The following KCNK13 variants were observed in gnomAD, a reference collection of about 807,000 sequenced individuals.
KCNK13 encodes potassium two pore domain channel subfamily K member 13.
Under a neutral mutation model 23.4 loss-of-function variants are expected in KCNK13, and 12 were observed. The ratio of observed to expected loss-of-function variants is 0.51; its 90% CI spans 0.33 to 0.83. KCNK13 has a LOEUF of 0.83. Among genes scored for constraint, KCNK13 ranks in the 40% least tolerant of loss-of-function variants. The probability of loss-of-function intolerance (pLI) is 0.02; values close to 1 mark genes in which losing one functional copy is unlikely to be tolerated. For synonymous variants in KCNK13, 231 were observed against 229.5 expected (o/e 1.01, Z -0.06); for missense variants, 463 against 556.3 (o/e 0.83, Z 1.69).
At chr14:90,169,070 T>C (rs551218897) in intron 1 of KCNK13, among the ~76,000 whole-genome samples, 3 of 152,336 alleles carry the variant, frequency 2.0e-5, no homozygotes, top group Admixed American at 2.0e-4. Flanking sequence ...CAGTCTCAGG[T>C]ATGTGTTTAT....
chr14:90,126,766 C>T (rs1256474317), intron 1 of KCNK13, among the ~76,000 whole-genome samples: 1 of 152,162 alleles, frequency 6.6e-6, no homozygotes, highest in Non-Finnish European at 1.5e-5. Context: ...TGGTCTCGAA[C>T]TCCTGACCTC....
intron 1 of KCNK13, among the ~76,000 whole-genome samples, chr14:90,092,694 C>A (rs1263041662): frequency 6.6e-6 from 1 of 151,866 alleles, no homozygotes; most frequent in Non-Finnish European, 1.5e-5. Flanking sequence ...CTTTGGGAGG[C>A]CAAGGAGGGA....
At chr14:90,129,428 C>T (rs930854442) in intron 1 of KCNK13, among the ~76,000 whole-genome samples, 3 of 152,156 alleles carry the variant, frequency 2.0e-5, no homozygotes, top group Middle Eastern at 3.4e-3. Flanking sequence ...GGCTGCGCCC[C>T]ATCCCCAGTA....
chr14:90,173,686 G>A (rs370019368), intron 1 of KCNK13, among the ~76,000 whole-genome samples: 34 of 152,280 alleles, frequency 2.2e-4, no homozygotes, highest in African/African-American at 7.7e-4. Context: ...TGGCTTGCAA[G>A]CAAGGGAAAA....
chr14:90,125,701 C>T (rs1337836113), intron 1 of KCNK13, among the ~76,000 whole-genome samples: 1 of 151,740 alleles, frequency 6.6e-6, no homozygotes, highest in Non-Finnish European at 1.5e-5. Flanking sequence ...GTGGCCAAAG[C>T]TGGAATGATT....
chr14:90,174,001 T>G (rs761673148), intron 1 of KCNK13, among the ~76,000 whole-genome samples: 7 of 151,288 alleles, frequency 4.6e-5, no homozygotes, highest in Non-Finnish European at 1.0e-4. Context: ...GAGGGAAGAG[T>G]CCCTTATAAA....
chr14:90,142,185 A>G (rs929616146), intron 1 of KCNK13, among the ~76,000 whole-genome samples: 3 of 152,184 alleles, frequency 2.0e-5, no homozygotes, highest in African/African-American at 7.2e-5. Context: ...CTAGAATTGT[A>G]CGGAATTGGA....
At chr14:90,107,769 T>C in intron 1 of KCNK13, 1 of 827,974 alleles carries the variant, frequency 1.2e-6, no homozygotes, top group South Asian at 1.3e-5. Flanking sequence ...ACCCAAGAGA[T>C]CCTCAGTCAA....
At chr14:90,084,111 A>G (rs765423588) in intron 1 of KCNK13, among the ~76,000 whole-genome samples, 9 of 152,060 alleles carry the variant, frequency 5.9e-5, no homozygotes, top group Non-Finnish European at 1.2e-4. Context: ...GAGTCCTCCA[A>G]TGTTGTTGGT....
At chr14:90,091,928 CTTTT>C (rs753251792) in intron 1 of KCNK13, among the ~76,000 whole-genome samples, 3 of 135,700 alleles carry the variant, frequency 2.2e-5, no homozygotes. Context: ...AAGAGAACTC[CTTTT>C]TTTTTTTTTT....
At chr14:90,090,431 T>C (rs946650052) in intron 1 of KCNK13, among the ~76,000 whole-genome samples, 2 of 152,230 alleles carry the variant, frequency 1.3e-5, no homozygotes, top group Non-Finnish European at 2.9e-5. Flanking sequence ...TGAACCCCCA[T>C]TGTATTTAGG....
intron 1 of KCNK13, among the ~76,000 whole-genome samples, chr14:90,176,567 T>C (rs1361054912): frequency 2.0e-5 from 3 of 152,076 alleles, no homozygotes; most frequent in South Asian, 2.1e-4. Context: ...AGGCTTAAAC[T>C]GTTAGCATCA....
chr14:90,066,899 C>T (rs138297648), intron 1 of KCNK13, among the ~76,000 whole-genome samples: 376 of 152,300 alleles, frequency 2.5e-3, no homozygotes, highest in African/African-American at 8.4e-3. Context: ...ATCCAAACAA[C>T]CCAAGTGCCC....
At chr14:90,107,895 T>G in intron 1 of KCNK13, 1 of 780,106 alleles carries the variant, frequency 1.3e-6, no homozygotes, top group Middle Eastern at 2.3e-4. Context: ...CCTTGAGTCT[T>G]TATCAGTAAA....
chr14:90,139,830 C>T (rs369883241), intron 1 of KCNK13, among the ~76,000 whole-genome samples: 318 of 152,242 alleles, frequency 2.1e-3, no homozygotes, highest in South Asian at 9.1e-3. Flanking sequence ...GGCGTCATGG[C>T]ACACGCCTGT....
At chr14:90,162,865 A>C (rs1890265675) in intron 1 of KCNK13, among the ~76,000 whole-genome samples, 1 of 152,226 alleles carries the variant, frequency 6.6e-6, no homozygotes, top group Non-Finnish European at 1.5e-5. Flanking sequence ...TATTTGCAAC[A>C]TATATAGAAG....
intron 1 of KCNK13, among the ~76,000 whole-genome samples, chr14:90,087,117 C>CAT (rs1244374995): frequency 1.1e-4 from 14 of 125,688 alleles, no homozygotes; most frequent in East Asian, 6.6e-4. Flanking sequence ...TATATATATA[C>CAT]ATATATATAT....
At chr14:90,103,867 C>G (rs900061911) in intron 1 of KCNK13, among the ~76,000 whole-genome samples, 1 of 152,020 alleles carries the variant, frequency 6.6e-6, no homozygotes, top group African/African-American at 2.4e-5. Flanking sequence ...CAGGCCCAGA[C>G]AGTTTTTTGT....
chr14:90,118,223 A>C (rs1159852519), intron 1 of KCNK13, among the ~76,000 whole-genome samples: 1 of 152,190 alleles, frequency 6.6e-6, no homozygotes, highest in Non-Finnish European at 1.5e-5. Flanking sequence ...GAAATGGTGA[A>C]TAAGCAAGCT....
Sources: gnomAD v4.1 joint callset for allele counts (sites outside exome capture counted in the v4.1 genomes callset) on GRCh38, gnomAD v4.1.1 for gene constraint, MANE v1.5 for transcripts, NCBI Gene and HGNC (gene_info 2026-07-23, HGNC 2026-07-21) for gene names.